Variants in CADPS2 observed in about 807,000 individuals in gnomAD.
CADPS2 encodes calcium-dependent secretion activator 2.
Under a neutral mutation model 172.5 loss-of-function variants are expected in CADPS2, and 93 were observed. The observed-to-expected ratio is 0.54, with a 90% CI of 0.46 to 0.64. CADPS2 has a LOEUF of 0.64. Ranked by LOEUF, CADPS2 falls within the 30% of genes least tolerant of loss-of-function variation. The probability of loss-of-function intolerance (pLI) is 0.00; values close to 1 mark genes in which losing one functional copy is unlikely to be tolerated. For missense variants in CADPS2, 1,420 were observed against 1,565.9 expected (o/e 0.91, Z 1.57); for synonymous variants, 546 against 555.2 (o/e 0.98, Z 0.23).
intron 11 of CADPS2, among the ~76,000 whole-genome samples, chr7:122,487,610 G>A (rs2057950424): frequency 6.6e-6 from 1 of 152,146 alleles, no homozygotes; most frequent in Non-Finnish European, 1.5e-5. Flanking sequence ...CAATAGCAAG[G>A]AAAGTATGAA....
chr7:122,857,706 T>G (rs1308206894), intron 1 of CADPS2, among the ~76,000 whole-genome samples: 3 of 152,200 alleles, frequency 2.0e-5, no homozygotes, highest in African/African-American at 7.2e-5. Flanking sequence ...CTCAAGTCAC[T>G]TCATGTCAGC....
At chr7:122,731,742 C>T (rs944170989) in intron 2 of CADPS2, among the ~76,000 whole-genome samples, 2 of 151,522 alleles carry the variant, frequency 1.3e-5, no homozygotes, top group African/African-American at 4.8e-5. Context: ...TTAGGAACCG[C>T]AAAATTATCA....
At chr7:122,451,646 C>A (rs1441653673) in intron 14 of CADPS2, among the ~76,000 whole-genome samples, 171 bp from the exon 15 acceptor site, 1 of 151,924 alleles carries the variant, frequency 6.6e-6, no homozygotes, top group East Asian at 1.9e-4. Flanking sequence ...TATATTTTGA[C>A]CCAGAATGAA....
At chr7:122,873,608 G>C (rs184478435) in intron 1 of CADPS2, among the ~76,000 whole-genome samples, 1 of 152,118 alleles carries the variant, frequency 6.6e-6, no homozygotes, top group East Asian at 1.9e-4. Flanking sequence ...CTTTGCTATT[G>C]TAAATAGTGC....
chr7:122,589,475 C>T (rs1378311926), intron 6 of CADPS2, among the ~76,000 whole-genome samples: 1 of 151,826 alleles, frequency 6.6e-6, no homozygotes, highest in Non-Finnish European at 1.5e-5. Flanking sequence ...GAAAACAATA[C>T]TTACGGAAGA....
intron 2 of CADPS2, among the ~76,000 whole-genome samples, chr7:122,688,055 A>G (rs761151638): frequency 2.0e-5 from 3 of 152,176 alleles, no homozygotes; most frequent in Non-Finnish European, 2.9e-5. Context: ...GTCATTTTCC[A>G]TCTCACTGAA....
intron 1 of CADPS2, among the ~76,000 whole-genome samples, chr7:122,749,833 A>G (rs2092872382): frequency 6.6e-6 from 1 of 152,016 alleles, no homozygotes; most frequent in Non-Finnish European, 1.5e-5. Flanking sequence ...AAAAAACTGG[A>G]TATCTACATT....
At chr7:122,688,697 C>T (rs192142535) in intron 2 of CADPS2, among the ~76,000 whole-genome samples, 5 of 152,254 alleles carry the variant, frequency 3.3e-5, no homozygotes, top group Non-Finnish European at 5.9e-5. Flanking sequence ...GCAATGATAC[C>T]TTTTACAAAC....
rs751664927 is a variant in CADPS2, at chr7:122,387,033, C to T, written c.3305G>A (p.Gly1102Glu). ...QSTKLCALDG[G>E]QEQQYHSKID... ...GTGGCACATTCTACATACCTCTTGT[C>T]CTCCATCCAGGGCACAGAGTTTGGT... is the stretch of plus-strand genomic sequence containing the variant. The change falls in exon 24 of 30, where the codon GGA becomes GAA. Residue 1102 changes from glycine (G) to glutamate (E), a missense_variant. Physicochemically the swap from Gly to Glu is moderately conservative, Grantham distance 98. Coordinates refer to ENST00000449022, the MANE Select transcript of CADPS2 (RefSeq NM_017954.11). 5.1e-6 allele frequency: 8 copies of T among 1,556,532 alleles called. No homozygotes were observed. The South Asian group carries it at 9.5e-5, about 18-fold the overall frequency.
intron 1 of CADPS2, among the ~76,000 whole-genome samples, chr7:122,808,809 T>C (rs1799367854): frequency 6.6e-6 from 1 of 152,176 alleles, no homozygotes; most frequent in Non-Finnish European, 1.5e-5. Flanking sequence ...TATCACTAGA[T>C]TGGTTACTGT....
At chr7:122,562,418 G>A (rs6466821) in intron 7 of CADPS2, among the ~76,000 whole-genome samples, 30,442 of 151,994 alleles carry the variant, frequency 0.2, 4,055 homozygotes, top group Non-Finnish European at 0.3. Context: ...TAGGCAACCC[G>A]CAGAAATGGG....
intron 2 of CADPS2, chr7:122,701,909 T>C (rs150450224): frequency 1.9e-6 from 3 of 1,613,632 alleles, no homozygotes; most frequent in South Asian, 1.1e-5. Context: ...GCATGCCTTA[T>C]GGAAAAAATG....
At chr7:122,811,334 T>A (rs1196098413) in intron 1 of CADPS2, among the ~76,000 whole-genome samples, 1 of 152,170 alleles carries the variant, frequency 6.6e-6, no homozygotes, top group Non-Finnish European at 1.5e-5. Context: ...GTGATTAACT[T>A]TTCTGTCCCT....
intron 8 of CADPS2, among the ~76,000 whole-genome samples, chr7:122,532,785 CGA>C: frequency 6.6e-6 from 1 of 152,076 alleles, no homozygotes; most frequent in African/African-American, 2.4e-5. Flanking sequence ...TTATATTTCC[CGA>C]GAGTACGATA....
intron 1 of CADPS2, among the ~76,000 whole-genome samples, chr7:122,858,533 GAA>G (rs1246921075): frequency 6.6e-6 from 1 of 152,100 alleles, no homozygotes; most frequent in African/African-American, 2.4e-5. Flanking sequence ...TACAGAAATA[GAA>G]AAAGATAAGC....
rs2043760876 is a variant in CADPS2 at position 122,386,927 on chromosome 7, G to A, written c.3312+99C>T. Reference sequence around the variant, plus strand: ...TCAAACGTTTGGTGCTAGAGAACTTGGTCTTTTCAATCCAATCAAGAGAAT... The same window carrying A: ...TCAAACGTTTGGTGCTAGAGAACTTAGTCTTTTCAATCCAATCAAGAGAAT... On this transcript the variant is annotated intron_variant, in intron 24 of 29. Transcript: ENST00000449022. 6 of 1,232,912 alleles carry A rather than the reference G, an allele frequency of 4.9e-6. No homozygotes were observed. In the East Asian group the frequency reaches 1.5e-4, roughly 32 times the overall value. 76.4% of individuals were successfully genotyped at this position (1,232,912 alleles called of 1,614,324 possible). A position where few individuals can be genotyped will look rare whatever the true frequency, so the allele number is the denominator to read the frequency against.
At chr7:122,532,593 G>T (rs969352847) in intron 8 of CADPS2, among the ~76,000 whole-genome samples, 33 of 139,940 alleles carry the variant, frequency 2.4e-4, no homozygotes, top group Non-Finnish European at 4.1e-4. Flanking sequence ...GACAGATCAG[G>T]CCTGAGAATT....
At chr7:122,633,391 G>C (rs1169400306) in intron 3 of CADPS2, among the ~76,000 whole-genome samples, 2 of 151,878 alleles carry the variant, frequency 1.3e-5, no homozygotes, top group African/African-American at 4.8e-5. Context: ...GTGTAGTTCT[G>C]CCTGTAGAGA....
chr7:122,541,601 TTATA>T (rs1325689365), intron 8 of CADPS2, among the ~76,000 whole-genome samples: 1 of 146,210 alleles, frequency 6.8e-6, no homozygotes, highest in East Asian at 2.0e-4. Flanking sequence ...TCATATATAT[TTATA>T]TATTCACATA....
Sources: gnomAD v4.1 joint callset for allele counts (sites outside exome capture counted in the v4.1 genomes callset) on GRCh38, gnomAD v4.1.1 for gene constraint, MANE v1.5 for transcripts, NCBI Gene and HGNC (gene_info 2026-07-23, HGNC 2026-07-21) for gene names.